The following TMC2 variants were observed in gnomAD, a reference collection of about 807,000 sequenced individuals.
TMC2 encodes transmembrane channel-like protein 2.
TMC2 carries 102 observed loss-of-function variants against 105.9 expected under a neutral mutation model. The observed-to-expected ratio is 0.96, with a 90% confidence interval of 0.82 to 1.14. The LOEUF (loss-of-function observed/expected upper bound fraction) is 1.14. Ranked by LOEUF, TMC2 falls within the 50% of genes most tolerant of loss-of-function variation. The pLI, the probability that TMC2 is intolerant of heterozygous loss-of-function variation, is 0.00. For missense variants in TMC2, 1,093 were observed against 1,134.3 expected, an observed-to-expected ratio of 0.96 and a Z score of 0.52; for synonymous variants, 402 against 422.8, an observed-to-expected ratio of 0.95 and a Z score of 0.60.
intron 10 of TMC2, among the ~76,000 whole-genome samples, chr20:2,597,916 C>T (rs2086320560): frequency 6.6e-6 from 1 of 152,118 alleles, no homozygotes; most frequent in Non-Finnish European, 1.5e-5. Context: ...AAGCATTTCT[C>T]AACTTTTTCT....
intron 7 of TMC2, among the ~76,000 whole-genome samples, chr20:2,584,431 G>A (rs1475061381): frequency 9.3e-5 from 13 of 139,314 alleles, no homozygotes; most frequent in African/African-American, 2.5e-4. Flanking sequence ...GCGACAGAGC[G>A]AGACTCCGTC....
At chr20:2,632,715 G>A (rs1365216278) in intron 17 of TMC2, among the ~76,000 whole-genome samples, 2 of 151,916 alleles carry the variant, frequency 1.3e-5, no homozygotes, top group African/African-American at 2.4e-5. Flanking sequence ...CCAGCCTCCC[G>A]AGTAGCTGGG....
At chr20:2,544,919 G>C (rs559626210) in intron 2 of TMC2, among the ~76,000 whole-genome samples, 1 of 152,098 alleles carries the variant, frequency 6.6e-6, no homozygotes, top group South Asian at 2.1e-4. Context: ...AAATTAGCCA[G>C]GCATGGTGGC....
intron 17 of TMC2, among the ~76,000 whole-genome samples, chr20:2,631,402 C>G (rs1342793715): frequency 6.6e-6 from 1 of 152,162 alleles, no homozygotes; most frequent in Non-Finnish European, 1.5e-5. Context: ...GTCTAGTGTC[C>G]TTTCGTTTTA....
chr20:2,566,120 G>A (rs2086062575), intron 4 of TMC2, among the ~76,000 whole-genome samples: 4 of 152,152 alleles, frequency 2.6e-5, no homozygotes, highest in Admixed American at 2.6e-4. Flanking sequence ...TCACACCTCT[G>A]CCACATCTGG....
intron 7 of TMC2, among the ~76,000 whole-genome samples, chr20:2,587,423 T>G (rs549257085): frequency 7.2e-5 from 11 of 152,292 alleles, no homozygotes; most frequent in African/African-American, 2.2e-4. Context: ...GAATATTTTA[T>G]CTAGAATTTT....
chr20:2,577,379 G>A (rs2086154586), intron 5 of TMC2, among the ~76,000 whole-genome samples: 1 of 152,118 alleles, frequency 6.6e-6, no homozygotes, highest in South Asian at 2.1e-4. Flanking sequence ...AGCTAGGGAG[G>A]GCGGATGAAG....
chr20:2,597,254 G>A lies in TMC2; in HGVS notation c.1180G>A (p.Glu394Lys), dbSNP rs2086315331. Residue 394 changes from glutamate to lysine, a missense_variant, in exon 10 of 20, where the codon GAG becomes AAG. Physicochemically the swap from Glu to Lys is moderately conservative, Grantham distance 56 (BLOSUM62 1). Coordinates refer to ENST00000358864, the MANE Select transcript of TMC2 (RefSeq NM_080751.3). Reference protein sequence around the residue: ...TSWDYLIGNSETADNKYASIT... With the variant: ...TSWDYLIGNSKTADNKYASIT... ...CTGGGACTACCTGATCGGGAATTCA[G>A]AGACAGCTGATAACAAATATGCATC... 6.2e-7 allele frequency: 1 copy of A among 1,613,982 alleles called. No homozygotes were observed. Among genetic ancestry groups the A allele is most frequent in the Admixed American group, 1.7e-5 (1 of 60,000 alleles).
chr20:2,572,001 C>G (rs2086106850), intron 4 of TMC2, among the ~76,000 whole-genome samples, 178 bp from the exon 5 acceptor site: 1 of 152,212 alleles, frequency 6.6e-6, no homozygotes, highest in Admixed American at 6.5e-5. Context: ...CTCTTCTCAG[C>G]ATTTGGGAAA....
intron 3 of TMC2, 99 bp from the exon 4 acceptor site, chr20:2,561,758 AG>A: frequency 7.1e-7 from 1 of 1,406,744 alleles, no homozygotes; most frequent in Non-Finnish European, 9.7e-7. Flanking sequence ...GAGCAGGGGA[AG>A]GGGTGCCATC....
At chr20:2,607,910 A>C (rs2086405453) in intron 11 of TMC2, among the ~76,000 whole-genome samples, 1 of 152,188 alleles carries the variant, frequency 6.6e-6, no homozygotes, top group Non-Finnish European at 1.5e-5. Context: ...GGATCACCTG[A>C]AGTCAGGAGT....
intron 5 of TMC2, among the ~76,000 whole-genome samples, chr20:2,578,111 A>G (rs996799053): frequency 3.3e-5 from 5 of 152,162 alleles, no homozygotes; most frequent in Non-Finnish European, 7.4e-5. Context: ...ACTTGAGATC[A>G]GGAGTTCAAG....
intron 5 of TMC2, among the ~76,000 whole-genome samples, chr20:2,573,966 G>A: frequency 6.6e-6 from 1 of 152,100 alleles, no homozygotes; most frequent in East Asian, 1.9e-4. Flanking sequence ...ATGTGAACTA[G>A]CCATCCTAGA....
chr20:2,579,996 G>C lies in TMC2; in HGVS notation c.774G>C (p.Trp258Cys), dbSNP rs143423360. 402 of 1,613,862 alleles carry C rather than the reference G, an allele frequency of 2.5e-4. 5 individuals carry two copies. The highest frequency in any genetic ancestry group is 3.8e-5 in the Non-Finnish European group (45 of 1,179,978). Residue 258 changes from tryptophan to cysteine, a missense_variant, in exon 7 of 20, where the codon TGG becomes TGC. Coordinates refer to ENST00000358864, the MANE Select transcript of TMC2 (RefSeq NM_080751.3). ...SVASYFIFLR[W>C]MYGVNLVLFG... Reference sequence around the variant, plus strand: ...CATCGTATTTCATCTTTCTCCGATGGATGTATGGAGTTAACCTTGTCCTTT... The same window carrying C: ...CATCGTATTTCATCTTTCTCCGATGCATGTATGGAGTTAACCTTGTCCTTT...
intron 7 of TMC2, among the ~76,000 whole-genome samples, chr20:2,581,375 TAGAAATCAAGGGTTCTG>T (rs1176999457): frequency 5.9e-5 from 9 of 152,222 alleles, no homozygotes; most frequent in Non-Finnish European, 1.2e-4. Flanking sequence ...TAAACACACC[TAGAAATCAAGGGTTCTG>T]AGTCCACTGA....
chr20:2,546,929 A>T (rs2085929736), intron 2 of TMC2, among the ~76,000 whole-genome samples: 1 of 152,218 alleles, frequency 6.6e-6, no homozygotes, highest in Admixed American at 6.5e-5. Flanking sequence ...AGCTTTGGTC[A>T]AAATGTCTAT....
intron 7 of TMC2, among the ~76,000 whole-genome samples, chr20:2,582,011 G>A (rs910351030): frequency 1.3e-5 from 2 of 152,088 alleles, no homozygotes; most frequent in Non-Finnish European, 2.9e-5. Context: ...GGAAAGAGGA[G>A]CCTTGGCTTG....
intron 8 of TMC2, among the ~76,000 whole-genome samples, chr20:2,594,481 G>C (rs1185130240): frequency 1.3e-5 from 2 of 152,144 alleles, no homozygotes; most frequent in African/African-American, 4.8e-5. Context: ...GCCTACTTCA[G>C]CCTCCCAAAG....
Position 2,554,919 on chromosome 20 carries a change from T to G in TMC2, c.83-3537T>G, listed in dbSNP as rs371340293. Among the ~76,000 whole-genome samples, 4 of 152,344 alleles carry G rather than the reference T, an allele frequency of 2.6e-5. No individual in the cohort carries two copies. The East Asian group carries it at 5.8e-4, about 22-fold the overall frequency. On this transcript the variant is annotated intron_variant, in intron 2 of 19. Coordinates refer to ENST00000358864, the MANE Select transcript of TMC2 (RefSeq NM_080751.3). ...GGATCTGTTGTTGTTGGATGATATA[T>G]TCTATACATATTAATTTAATCCAAT...
Sources: allele counts gnomAD v4.1 joint callset (sites outside exome capture counted in the v4.1 genomes callset), GRCh38; gene constraint gnomAD v4.1.1; transcripts MANE v1.5; gene names NCBI Gene and HGNC (gene_info 2026-07-23, HGNC 2026-07-21).